The following EPHB1 variants were observed in gnomAD, a reference collection of about 807,000 sequenced individuals.
EPHB1 encodes the protein ephrin type-B receptor 1.
Under a neutral mutation model 94.4 loss-of-function variants are expected in EPHB1, and 30 were observed. The ratio of observed to expected loss-of-function variants is 0.32; its 90% CI spans 0.24 to 0.43. The LOEUF is 0.43. Ranked by LOEUF, EPHB1 falls within the 20% of genes least tolerant of loss-of-function variation. The pLI, the probability that EPHB1 is intolerant of heterozygous loss-of-function variation, is 1.00. For synonymous variants in EPHB1, 522 were observed against 489.1 expected (o/e 1.07, Z -0.89); for missense variants, 1,055 against 1,308.3 (o/e 0.81, Z 2.99).
chr3:134,911,243 G>A (rs1203874996), intron 1 of EPHB1, among the ~76,000 whole-genome samples: 1 of 152,206 alleles, frequency 6.6e-6, no homozygotes, highest in Admixed American at 6.5e-5. Flanking sequence ...GGGTGAGAGT[G>A]AAGATCCTGG....
chr3:134,879,355 G>A (rs2037681076), intron 1 of EPHB1, among the ~76,000 whole-genome samples: 1 of 151,846 alleles, frequency 6.6e-6, no homozygotes, highest in Admixed American at 6.6e-5. Context: ...AAAGAATGAA[G>A]GCCGGGCATG....
intron 1 of EPHB1, among the ~76,000 whole-genome samples, chr3:134,818,938 G>T (rs1000110005): frequency 5.3e-5 from 8 of 152,182 alleles, no homozygotes; most frequent in Admixed American, 5.2e-4. Context: ...GTGTTTCGAG[G>T]TGAGCAGAGA....
chr3:134,840,285 G>A (rs994628822), intron 1 of EPHB1, among the ~76,000 whole-genome samples: 1 of 152,126 alleles, frequency 6.6e-6, no homozygotes, highest in African/African-American at 2.4e-5. Flanking sequence ...ATGCCTACTG[G>A]GGGCCCATAG....
chr3:135,063,700 G>A (rs1937545282), intron 3 of EPHB1, among the ~76,000 whole-genome samples: 1 of 152,102 alleles, frequency 6.6e-6, no homozygotes, highest in South Asian at 2.1e-4. Flanking sequence ...TTGTCTGATT[G>A]CTCTGGCTAG....
intron 7 of EPHB1, among the ~76,000 whole-genome samples, chr3:135,165,527 C>A (rs1941627990): frequency 6.6e-6 from 1 of 152,250 alleles, no homozygotes; most frequent in Non-Finnish European, 1.5e-5. Flanking sequence ...ACTGCGGATA[C>A]TCTTTAAGTA....
intron 2 of EPHB1, among the ~76,000 whole-genome samples, chr3:134,934,489 A>T (rs181431896): frequency 2.0e-5 from 3 of 152,310 alleles, no homozygotes; most frequent in African/African-American, 7.2e-5. Context: ...CCAGATGAGC[A>T]GCAAGGCCAC....
At chr3:134,828,108 C>T (rs1163091617) in intron 1 of EPHB1, among the ~76,000 whole-genome samples, 1 of 152,174 alleles carries the variant, frequency 6.6e-6, no homozygotes, top group Non-Finnish European at 1.5e-5. Context: ...GCTATGGACT[C>T]CTGCCTTCTC....
chr3:134,939,557 G>A (rs1047116601), intron 2 of EPHB1, among the ~76,000 whole-genome samples: 3 of 152,086 alleles, frequency 2.0e-5, no homozygotes, highest in Non-Finnish European at 4.4e-5. Flanking sequence ...TATGCCCCAC[G>A]GACTGCATTT....
chr3:135,162,301 C>T, intron 7 of EPHB1, 121 bp downstream of exon 7: 1 of 1,189,458 alleles, frequency 8.4e-7, no homozygotes, highest in South Asian at 1.7e-5. Flanking sequence ...GTGGAATTCC[C>T]TTCAAACGGT....
intron 5 of EPHB1, among the ~76,000 whole-genome samples, chr3:135,146,083 A>C (rs917286624): frequency 2.0e-5 from 3 of 152,296 alleles, no homozygotes; most frequent in East Asian, 3.9e-4. Context: ...ATCACAGTGC[A>C]CTGTGTCCCA....
chr3:134,931,829 ATG>A (rs2038909633), intron 2 of EPHB1, among the ~76,000 whole-genome samples: 2 of 152,082 alleles, frequency 1.3e-5, no homozygotes, highest in African/African-American at 2.4e-5. Flanking sequence ...ATATGTATAT[ATG>A]TGTGTCTATG....
intron 3 of EPHB1, among the ~76,000 whole-genome samples, chr3:135,078,353 A>C (rs2107785557): frequency 6.6e-6 from 1 of 152,292 alleles, no homozygotes; most frequent in Middle Eastern, 3.4e-3. Flanking sequence ...TGTCTGCTGG[A>C]GGGAGAGGAA....
chr3:135,093,961 A>G (rs1188620091), intron 3 of EPHB1, among the ~76,000 whole-genome samples: 1 of 152,186 alleles, frequency 6.6e-6, no homozygotes, highest in East Asian at 1.9e-4. Flanking sequence ...ATGCACTATA[A>G]TTTATTGATC....
intron 1 of EPHB1, among the ~76,000 whole-genome samples, chr3:134,834,033 G>A (rs1194526540): frequency 1.3e-5 from 2 of 152,164 alleles, no homozygotes; most frequent in Admixed American, 6.5e-5. Context: ...CACTTGGGTG[G>A]TGGAGGGGAG....
chr3:135,235,253 A>G (rs1943623577), intron 12 of EPHB1, among the ~76,000 whole-genome samples: 1 of 152,236 alleles, frequency 6.6e-6, no homozygotes, highest in Non-Finnish European at 1.5e-5. Context: ...GGCACTAACA[A>G]TTATCAGAGT....
intron 4 of EPHB1, among the ~76,000 whole-genome samples, chr3:135,112,447 G>T (rs1939485779): frequency 6.6e-6 from 1 of 151,890 alleles, no homozygotes; most frequent in South Asian, 2.1e-4. Context: ...CAACGTGCAG[G>T]TTTGTTACAT....
At chr3:134,817,131 G>T (rs146044171) in intron 1 of EPHB1, among the ~76,000 whole-genome samples, 2 of 150,008 alleles carry the variant, frequency 1.3e-5, no homozygotes, top group Admixed American at 1.3e-4. Context: ...TATGAATGTA[G>T]TTTTTTTTTT....
chr3:135,170,581 G>A (rs13063564), intron 9 of EPHB1, among the ~76,000 whole-genome samples: 38,898 of 151,790 alleles, frequency 0.26, 5,999 homozygotes, highest in East Asian at 0.55. Flanking sequence ...TTGTGGGCCC[G>A]TTCTCAGTAG....
At chr3:134,921,282 G>A (rs1456005884) in intron 1 of EPHB1, among the ~76,000 whole-genome samples, 1 of 152,092 alleles carries the variant, frequency 6.6e-6, no homozygotes, top group African/African-American at 2.4e-5. Context: ...AAGAGGCAGG[G>A]GGAGATACTC....
Sources: gnomAD v4.1 joint callset for allele counts (sites outside exome capture counted in the v4.1 genomes callset) on GRCh38, gnomAD v4.1.1 for gene constraint, MANE v1.5 for transcripts, NCBI Gene and HGNC (gene_info 2026-07-23, HGNC 2026-07-21) for gene names.